TAFA4: variants seen among roughly 807,000 people sequenced by gnomAD.
TAFA4 encodes the protein chemokine-like protein TAFA-4.
A neutral mutation model predicts 21.1 loss-of-function variants in TAFA4; 20 were observed. The ratio of observed to expected loss-of-function variants is 0.95; its 90% CI spans 0.67 to 1.38. The LOEUF is 1.38. Ranked by LOEUF, TAFA4 falls within the 40% of genes most tolerant of loss-of-function variation. TAFA4 has a pLI of 0.00. For missense variants in TAFA4, 211 were observed against 180.9 expected (o/e 1.17, Z -0.95); for synonymous variants, 71 against 67.4 (o/e 1.05, Z -0.26).
At chr3:68,812,558 A>C (rs1703866778) in intron 3 of TAFA4, among the ~76,000 whole-genome samples, 1 of 152,194 alleles carries the variant, frequency 6.6e-6, no homozygotes, top group South Asian at 2.1e-4. Context: ...TAAACCAACA[A>C]AAATAAGAAG....
At position 68,752,852 on chromosome 3, in the gene TAFA4, A is replaced by G; in HGVS notation, c.286+11T>C. On this transcript the variant is annotated intron_variant, in intron 4 of 5. Coordinates refer to ENST00000295569, the MANE Select transcript of TAFA4 (RefSeq NM_182522.5). ...TTGAAATACCAGAGATGCTGACCAG[A>G]GAGGTCTTACCTTCAACACAAGAAG... The G allele has an allele frequency of 1.2e-6, 2 of 1,614,106 alleles. No individual in the cohort carries two copies. Among genetic ancestry groups the G allele is most frequent in the Non-Finnish European group, 1.7e-6 (2 of 1,180,012 alleles).
chr3:68,873,085 T>G (rs1047706179), intron 3 of TAFA4, among the ~76,000 whole-genome samples: 1 of 152,024 alleles, frequency 6.6e-6, no homozygotes, highest in African/African-American at 2.4e-5. Flanking sequence ...TTACAAATTC[T>G]AAAATTAGTA....
chr3:68,849,513 G>A (rs1410511692), intron 3 of TAFA4, among the ~76,000 whole-genome samples: 1 of 152,154 alleles, frequency 6.6e-6, no homozygotes, highest in Non-Finnish European at 1.5e-5. Context: ...GCACCCAGCT[G>A]AGCCCAGCAT....
intron 1 of TAFA4, among the ~76,000 whole-genome samples, chr3:68,921,377 A>T (rs1421073155): frequency 1.3e-5 from 2 of 152,190 alleles, no homozygotes; most frequent in African/African-American, 2.4e-5. Flanking sequence ...GTGAAGAAAA[A>T]AAAGCAAGCT....
chr3:68,927,113 G>A (rs1432949732), intron 1 of TAFA4, among the ~76,000 whole-genome samples: 5 of 152,040 alleles, frequency 3.3e-5, no homozygotes, highest in Admixed American at 2.6e-4. Context: ...GCCCCCCATT[G>A]GAGCAATTTT....
intron 3 of TAFA4, among the ~76,000 whole-genome samples, chr3:68,799,208 T>C (rs988086990): frequency 1.3e-5 from 2 of 152,208 alleles, no homozygotes; most frequent in African/African-American, 4.8e-5. Context: ...CAATATATCA[T>C]AATTTGAGTG....
At chr3:68,874,065 C>T (rs143066002) in intron 3 of TAFA4, among the ~76,000 whole-genome samples, 37 of 152,228 alleles carry the variant, frequency 2.4e-4, no homozygotes, top group Non-Finnish European at 4.3e-4. Context: ...TTCTAGGATC[C>T]CATTACCCAA....
chr3:68,769,487 G>T (rs968540570), intron 3 of TAFA4, among the ~76,000 whole-genome samples: 2 of 152,192 alleles, frequency 1.3e-5, no homozygotes, highest in Non-Finnish European at 2.9e-5. Flanking sequence ...CAAAAAGGTT[G>T]GGGACCACTG....
At chr3:68,759,638 C>G (rs1445838321) in intron 3 of TAFA4, among the ~76,000 whole-genome samples, 1 of 152,076 alleles carries the variant, frequency 6.6e-6, no homozygotes, top group African/African-American at 2.4e-5. Context: ...AAAACTGAAG[C>G]TAAATATTGA....
At chr3:68,858,054 G>A (rs192230053) in intron 3 of TAFA4, among the ~76,000 whole-genome samples, 9 of 152,120 alleles carry the variant, frequency 5.9e-5, no homozygotes, top group Admixed American at 5.9e-4. Flanking sequence ...TCCCCTCTGT[G>A]GACTGTCAGA....
chr3:68,753,064 G>T, intron 3 of TAFA4, 46 bp from the exon 4 acceptor site: 1 of 1,580,356 alleles, frequency 6.3e-7, no homozygotes. Context: ...CTGTTAGAAG[G>T]AAATGACACC....
In TAFA4 at chr3:68,732,712, C is replaced by G. The variant is rs1456615124; in HGVS notation, c.*430G>C. 1 of 160,004 alleles carries G rather than the reference C, an allele frequency of 6.2e-6. No individual in the cohort carries two copies. Among genetic ancestry groups the G allele is most frequent in the African/African-American group, 2.4e-5 (1 of 41,736 alleles). The allele number at this position is 160,004 out of a possible 1,614,324, so 9.9% of individuals were successfully genotyped here. A position where few individuals can be genotyped will look rare whatever the true frequency, so the allele number is the denominator to read the frequency against. ...TGTTTTGCCAAAATCTTTTTAGACC[C>G]CTTTAAAACCACTTTAATACAAGGA... On this transcript the variant is annotated 3_prime_UTR_variant, in exon 6 of 6. Coordinates refer to ENST00000295569, the MANE Select transcript of TAFA4 (RefSeq NM_182522.5).
At chr3:68,783,988 C>T (rs1349874407) in intron 3 of TAFA4, among the ~76,000 whole-genome samples, 1 of 152,052 alleles carries the variant, frequency 6.6e-6, no homozygotes, top group Non-Finnish European at 1.5e-5. Flanking sequence ...AAAAGATGTG[C>T]AACAAGACAG....
At chr3:68,800,544 C>T (rs1471602908) in intron 3 of TAFA4, among the ~76,000 whole-genome samples, 1 of 152,204 alleles carries the variant, frequency 6.6e-6, no homozygotes, top group Non-Finnish European at 1.5e-5. Flanking sequence ...CCCAGCCCCT[C>T]AATTTTGCTT....
Position 68,892,130 on chromosome 3 carries a change from A to T in TAFA4, c.-122-6820T>A, listed in dbSNP as rs142760919. On this transcript the variant is annotated intron_variant, in intron 1 of 5. Transcript: ENST00000295569. ...GAGCCATCATTTATAATGATCACATATGTGGAATTACTTTTGTAATTTAGA... is the reference window on the plus strand; with the variant it reads ...GAGCCATCATTTATAATGATCACATTTGTGGAATTACTTTTGTAATTTAGA... Among the ~76,000 whole-genome samples the T allele has an allele frequency of 4.9e-3, 740 of 152,304 alleles. 6 individuals carry two copies. Among genetic ancestry groups the T allele is most frequent in the Non-Finnish European group, 8.2e-3 (557 of 68,022 alleles).
At chr3:68,736,909 G>A (rs1414470225) in intron 5 of TAFA4, among the ~76,000 whole-genome samples, 1 of 151,468 alleles carries the variant, frequency 6.6e-6, no homozygotes, top group Non-Finnish European at 1.5e-5. Context: ...ATGGCTTGGG[G>A]AACTGTATTA....
intron 3 of TAFA4, among the ~76,000 whole-genome samples, chr3:68,771,447 C>G (rs78567336): frequency 0.025 from 3,797 of 152,300 alleles, 160 homozygotes; most frequent in African/African-American, 0.087. Context: ...TCTGCATGCT[C>G]CCCTTTGGGG....
chr3:68,829,819 G>A (rs560587628), intron 3 of TAFA4, among the ~76,000 whole-genome samples: 98 of 152,240 alleles, frequency 6.4e-4, no homozygotes, highest in Non-Finnish European at 1.1e-3. Context: ...TCCGGTCCTG[G>A]ACTTTTTTTG....
At chr3:68,855,376 T>C (rs1209082221) in intron 3 of TAFA4, among the ~76,000 whole-genome samples, 4 of 152,172 alleles carry the variant, frequency 2.6e-5, no homozygotes, top group African/African-American at 7.2e-5. Context: ...ATAGAACATA[T>C]GTCAGGGAGT....
Sources: gnomAD v4.1 joint callset for allele counts (sites outside exome capture counted in the v4.1 genomes callset) on GRCh38, gnomAD v4.1.1 for gene constraint, MANE v1.5 for transcripts, NCBI Gene and HGNC (gene_info 2026-07-23, HGNC 2026-07-21) for gene names.